The following ASIC2 variants were observed in gnomAD, a reference collection of about 807,000 sequenced individuals.
The protein encoded by ASIC2 is acid sensing ion channel subunit 2.
In ASIC2, 25 loss-of-function variants were observed where a neutral mutation model predicts 57.3. The observed-to-expected ratio is 0.44, with a 90% CI of 0.32 to 0.61. ASIC2 has a LOEUF of 0.61. Among genes scored for constraint, ASIC2 ranks in the 20% least tolerant of loss-of-function variants. The pLI, the probability that ASIC2 is intolerant of heterozygous loss-of-function variation, is 0.06. For missense variants in ASIC2, 641 were observed against 738.1 expected (o/e 0.87, Z 1.52); for synonymous variants, 319 against 307.5 (o/e 1.04, Z -0.39).
intron 3 of ASIC2, among the ~76,000 whole-genome samples, chr17:33,060,674 G>A (rs1007459886): frequency 2.0e-5 from 3 of 152,168 alleles, no homozygotes; most frequent in Non-Finnish European, 4.4e-5. Flanking sequence ...GAACTTTAAA[G>A]TAGTTTTTTC....
chr17:33,290,211 T>A (rs1396108574), intron 1 of ASIC2, among the ~76,000 whole-genome samples: 1 of 152,220 alleles, frequency 6.6e-6, no homozygotes, highest in Non-Finnish European at 1.5e-5. Context: ...AATCAGCCAA[T>A]GAGAGACCTG....
chr17:33,894,346 C>G (rs75665229), intron 1 of ASIC2, among the ~76,000 whole-genome samples: 1 of 87,324 alleles, frequency 1.1e-5, no homozygotes, highest in African/African-American at 3.2e-5. Flanking sequence ...TGCGTGCGTG[C>G]GTGCGTGTGT....
intron 1 of ASIC2, among the ~76,000 whole-genome samples, chr17:33,941,105 G>T (rs992799453): frequency 9.9e-5 from 15 of 152,220 alleles, no homozygotes; most frequent in Admixed American, 5.2e-4. Flanking sequence ...AAGAGCTGAT[G>T]CAGCATGACC....
chr17:33,799,411 CTTTCTTTCTTTCTTTCTTCTTTCT>C (rs1912035556), intron 1 of ASIC2, among the ~76,000 whole-genome samples: 15 of 61,228 alleles, frequency 2.4e-4, no homozygotes, highest in African/African-American at 3.8e-4. Context: ...TCTTTTCTTT[CTTTCTTTCTTTCTTTCTTCTTTCT>C]TTCTTTCTTT....
chr17:34,110,170 G>C (rs1276406494), intron 1 of ASIC2, among the ~76,000 whole-genome samples: 2 of 152,172 alleles, frequency 1.3e-5, no homozygotes, highest in Non-Finnish European at 2.9e-5. Context: ...ACCTTAAGGA[G>C]ATGCTCTGAG....
intron 1 of ASIC2, among the ~76,000 whole-genome samples, chr17:33,276,868 T>C (rs777698158): frequency 1.3e-5 from 2 of 152,204 alleles, no homozygotes; most frequent in Non-Finnish European, 2.9e-5. Context: ...TGATTTATTG[T>C]AACAGAATAA....
At chr17:33,300,352 T>C (rs1812779367) in intron 1 of ASIC2, among the ~76,000 whole-genome samples, 1 of 152,172 alleles carries the variant, frequency 6.6e-6, no homozygotes, top group African/African-American at 2.4e-5. Context: ...GTTGCCTTCC[T>C]TTGGCACCTC....
intron 1 of ASIC2, among the ~76,000 whole-genome samples, chr17:33,443,966 A>T (rs1911923233): frequency 6.6e-6 from 1 of 152,122 alleles, no homozygotes; most frequent in South Asian, 2.1e-4. Context: ...GCGCTCAAAC[A>T]AGTGCTTTCT....
At chr17:33,770,669 C>T (rs1340061189) in intron 1 of ASIC2, among the ~76,000 whole-genome samples, 1 of 152,190 alleles carries the variant, frequency 6.6e-6, no homozygotes, top group Non-Finnish European at 1.5e-5. Flanking sequence ...CAATCAAGCC[C>T]ATGGAGACAG....
At chr17:33,801,840 C>T (rs188693388) in intron 1 of ASIC2, among the ~76,000 whole-genome samples, 4 of 152,270 alleles carry the variant, frequency 2.6e-5, no homozygotes, top group South Asian at 4.2e-4. Context: ...CCCACAGGTG[C>T]CTAGTGCCTA....
At chr17:33,758,525 T>C (rs1221453509) in intron 1 of ASIC2, among the ~76,000 whole-genome samples, 1 of 152,112 alleles carries the variant, frequency 6.6e-6, no homozygotes, top group Non-Finnish European at 1.5e-5. Flanking sequence ...TAATCCCCAG[T>C]GTGGTAGAAT....
intron 2 of ASIC2, among the ~76,000 whole-genome samples, chr17:33,092,354 T>G (rs1254551285): frequency 6.6e-6 from 1 of 152,246 alleles, no homozygotes; most frequent in African/African-American, 2.4e-5. Context: ...TTCCTGGGCA[T>G]GGCACAGTAT....
intron 1 of ASIC2, among the ~76,000 whole-genome samples, chr17:33,530,550 C>T (rs751679018): frequency 6.6e-6 from 1 of 152,226 alleles, no homozygotes; most frequent in Non-Finnish European, 1.5e-5. Flanking sequence ...TGAACATAGG[C>T]GAGTGTACAG....
intron 1 of ASIC2, among the ~76,000 whole-genome samples, chr17:34,050,151 A>G (rs1236538607): frequency 6.6e-6 from 1 of 152,238 alleles, no homozygotes. Flanking sequence ...GAGGCAAAGA[A>G]TAGCCCAAGA....
chr17:33,606,231 G>C (rs919617340), intron 1 of ASIC2, among the ~76,000 whole-genome samples: 2 of 152,124 alleles, frequency 1.3e-5, no homozygotes, highest in Admixed American at 1.3e-4. Flanking sequence ...GACGATTCTC[G>C]AGATGCCAGG....
At chr17:33,253,511 T>C (rs1908954695) in intron 1 of ASIC2, among the ~76,000 whole-genome samples, 1 of 152,192 alleles carries the variant, frequency 6.6e-6, no homozygotes, top group Non-Finnish European at 1.5e-5. Flanking sequence ...GGTAGACAGA[T>C]TTTCTTGCAT....
intron 1 of ASIC2, among the ~76,000 whole-genome samples, chr17:34,073,532 C>T (rs1447263105): frequency 1.3e-5 from 2 of 152,106 alleles, no homozygotes; most frequent in South Asian, 2.1e-4. Context: ...TGCCAAAAGT[C>T]TATGAACTTT....
chr17:33,954,097 G>T lies in ASIC2; in HGVS notation c.555+201881C>A, dbSNP rs548252432. ...CTTCTTTTGGGGAAACAAAGGGACA[G>T]AAGTTTTAAAAACTGTCCAGAGTTA... On this transcript the variant is annotated intron_variant, in intron 1 of 9. Transcript: ENST00000359872. 5.3e-5 allele frequency among the ~76,000 whole-genome samples: 8 copies of T among 152,288 alleles called. No individual in the cohort carries two copies. The South Asian group carries it at 1.7e-3, about 32-fold the overall frequency.
chr17:33,704,809 G>A (rs947840380), intron 1 of ASIC2, among the ~76,000 whole-genome samples: 2 of 152,088 alleles, frequency 1.3e-5, no homozygotes, highest in Non-Finnish European at 2.9e-5. Context: ...TTTCAACTTG[G>A]ATGCTCTAAC....
Sources: allele counts gnomAD v4.1 joint callset (sites outside exome capture counted in the v4.1 genomes callset), GRCh38; gene constraint gnomAD v4.1.1; transcripts MANE v1.5; gene names NCBI Gene and HGNC (gene_info 2026-07-23, HGNC 2026-07-21).